TTC13: variants seen among roughly 807,000 people sequenced by gnomAD.
TTC13 encodes the protein tetratricopeptide repeat protein 13.
Under a neutral mutation model 120.0 loss-of-function variants are expected in TTC13, and 62 were observed. That is an observed-to-expected ratio of 0.52 (90% confidence interval 0.42 to 0.64). The LOEUF (loss-of-function observed/expected upper bound fraction) is 0.64. Ranked by LOEUF, TTC13 falls within the 30% of genes least tolerant of loss-of-function variation. The pLI is 0.00. For missense variants in TTC13, 824 were observed against 1,050.2 expected (o/e 0.78, Z 2.98); for synonymous variants, 384 against 393.5 (o/e 0.98, Z 0.28).
chr1:230,955,448 G>C (rs1250295137), intron 3 of TTC13, among the ~76,000 whole-genome samples: 1 of 144,452 alleles, frequency 6.9e-6, no homozygotes, highest in Non-Finnish European at 1.5e-5. Flanking sequence ...CAGATCACAA[G>C]GTCAGGAGAT....
chr1:230,908,622 T>C, intron 22 of TTC13, 90 bp downstream of exon 22: 1 of 955,844 alleles, frequency 1.0e-6, no homozygotes. Flanking sequence ...GTATAACAGT[T>C]CCAGTTTTCA....
At position 230,916,368 on chromosome 1, in the gene TTC13, T is replaced by C. The variant is rs74336803; in HGVS notation, c.1984-66A>G. ...TCACTGTAAACCCCAACTGCAACTC[T>C]GTAGTGCTGGCTCTACCTTACATGT... On this transcript the variant is annotated intron_variant, in intron 17 of 22. Coordinates refer to ENST00000366661, the MANE Select transcript of TTC13 (RefSeq NM_024525.5). The C allele has an allele frequency of 1.2e-3, 1,359 of 1,146,152 alleles. 38 individuals are homozygous for C. The East Asian group carries it at 0.032, about 27-fold the overall frequency. 71.0% of individuals were successfully genotyped at this position (1,146,152 alleles called of 1,614,324 possible). A position where few individuals can be genotyped will look rare whatever the true frequency, so the allele number is the denominator to read the frequency against.
At chr1:230,976,703 G>A (rs1409484379) in intron 1 of TTC13, among the ~76,000 whole-genome samples, 1 of 150,966 alleles carries the variant, frequency 6.6e-6, no homozygotes, top group African/African-American at 2.4e-5. Flanking sequence ...AGAAAAAGAA[G>A]GTAGAAACAT....
intron 13 of TTC13, 126 bp downstream of exon 13, chr1:230,925,391 A>G (rs1672963969): frequency 9.7e-6 from 11 of 1,133,216 alleles, no homozygotes; most frequent in Non-Finnish European, 1.1e-5. Context: ...ACACATTTCT[A>G]TTCTGATCAC....
At chr1:230,916,690 T>C (rs1043296063) in intron 17 of TTC13, among the ~76,000 whole-genome samples, 1 of 152,184 alleles carries the variant, frequency 6.6e-6, no homozygotes, top group African/African-American at 2.4e-5. Context: ...AAATGCAACT[T>C]ATGCTCATAC....
chr1:230,975,907 T>C (rs1678258382), intron 1 of TTC13, among the ~76,000 whole-genome samples: 1 of 152,108 alleles, frequency 6.6e-6, no homozygotes, highest in African/African-American at 2.4e-5. Flanking sequence ...ATTGCTAGTG[T>C]GTTGTCTTTG....
chr1:230,956,777 A>G (rs1024044756), intron 3 of TTC13, among the ~76,000 whole-genome samples: 7 of 152,202 alleles, frequency 4.6e-5, no homozygotes, highest in Non-Finnish European at 8.8e-5. Flanking sequence ...ATCATAACCC[A>G]AATCTTGTGC....
rs1409092626 is a variant in TTC13, at chr1:230,978,486, T to C, written c.271+74A>G. The C allele has an allele frequency of 1.4e-5, 6 of 420,056 alleles. No homozygotes were observed. Among genetic ancestry groups the C allele is most frequent in the African/African-American group, 2.1e-5 (1 of 47,692 alleles). The allele number at this position is 420,056 out of a possible 1,614,324, so 26.0% of individuals were successfully genotyped here. Reference sequence around the variant, plus strand: ...GGAGGCGTGAGGCCCGGGCGACCCGTACCCCGGCCCGGGACCCCAGCCCCG... The same window carrying C: ...GGAGGCGTGAGGCCCGGGCGACCCGCACCCCGGCCCGGGACCCCAGCCCCG... On this transcript the variant is annotated intron_variant, in intron 1 of 22. Coordinates refer to ENST00000366661, the MANE Select transcript of TTC13 (RefSeq NM_024525.5). The surrounding 1 kb of genome is among the most constrained non-coding windows in gnomAD (Gnocchi z 5.6).
At chr1:230,976,268 A>G (rs946032047) in intron 1 of TTC13, among the ~76,000 whole-genome samples, 2 of 152,150 alleles carry the variant, frequency 1.3e-5, no homozygotes, top group African/African-American at 4.8e-5. Flanking sequence ...ATGTTGCTCA[A>G]ATGGGTCTCC....
chr1:230,973,284 C>T (rs1215700963), intron 1 of TTC13, among the ~76,000 whole-genome samples: 1 of 152,200 alleles, frequency 6.6e-6, no homozygotes, highest in African/African-American at 2.4e-5. Context: ...AAAAGACTGA[C>T]TTCATGTATT....
intron 12 of TTC13, among the ~76,000 whole-genome samples, chr1:230,928,003 G>T (rs1172461168): frequency 6.6e-6 from 1 of 152,000 alleles, no homozygotes; most frequent in Non-Finnish European, 1.5e-5. Context: ...TAGTCCACTT[G>T]TCTATCCCTG....
intron 1 of TTC13, among the ~76,000 whole-genome samples, chr1:230,974,505 C>G (rs1437189459): frequency 6.6e-6 from 1 of 152,112 alleles, no homozygotes; most frequent in African/African-American, 2.4e-5. Flanking sequence ...GTATTGAGTA[C>G]AGTAACATGC....
chr1:230,963,728 C>A (rs1015245433), intron 1 of TTC13, among the ~76,000 whole-genome samples: 7 of 151,794 alleles, frequency 4.6e-5, no homozygotes, highest in Non-Finnish European at 1.0e-4. Context: ...AGGGGTATTC[C>A]GGATAGGACG....
intron 12 of TTC13, 61 bp from the exon 13 acceptor site, chr1:230,925,708 C>T: frequency 6.3e-7 from 1 of 1,588,100 alleles, no homozygotes; most frequent in East Asian, 2.3e-5. Flanking sequence ...TAATCCAATT[C>T]CACCTGAGAA....
chr1:230,911,593 A>C (rs752809280), intron 19 of TTC13, 44 bp from the exon 20 acceptor site: 1 of 1,327,056 alleles, frequency 7.5e-7, no homozygotes, highest in Non-Finnish European at 1.0e-6. Context: ...TAAAGATTAC[A>C]AACTAATTTT....
At position 230,917,632 on chromosome 1, in the gene TTC13, C is replaced by T. The variant is rs370168378; in HGVS notation, c.1984-1330G>A. Among the ~76,000 whole-genome samples, 132 of 152,168 alleles carry T rather than the reference C, an allele frequency of 8.7e-4. 1 individual carries two copies. The highest frequency in any genetic ancestry group is 3.0e-3 in the African/African-American group (124 of 41,518). ...ATGCTGAAATGGAATGTCATCCCACCGCAGAGAACAAACATCTTACATCTT... is the reference window on the plus strand; with the variant it reads ...ATGCTGAAATGGAATGTCATCCCACTGCAGAGAACAAACATCTTACATCTT... On this transcript the variant is annotated intron_variant, in intron 17 of 22. Transcript: ENST00000366661.
chr1:230,941,934 G>A (rs1558196327), intron 6 of TTC13, among the ~76,000 whole-genome samples: 1 of 152,036 alleles, frequency 6.6e-6, no homozygotes, highest in East Asian at 1.9e-4. Flanking sequence ...GAATATTTCA[G>A]AAAGCATGAA....
intron 8 of TTC13, among the ~76,000 whole-genome samples, chr1:230,936,803 G>A (rs554430194): frequency 2.6e-5 from 4 of 151,700 alleles, no homozygotes; most frequent in Admixed American, 1.3e-4. Context: ...TTGTCTCTGC[G>A]GTTAACAAGA....
chr1:230,960,184 C>T (rs1676486596), intron 2 of TTC13, among the ~76,000 whole-genome samples: 1 of 152,192 alleles, frequency 6.6e-6, no homozygotes, highest in African/African-American at 2.4e-5. Context: ...AATGAATAGT[C>T]TAAGTCCCAT....
Sources: allele counts gnomAD v4.1 joint callset (sites outside exome capture counted in the v4.1 genomes callset), GRCh38; gene constraint gnomAD v4.1.1; non-coding constraint Gnocchi (gnomAD v3.1); transcripts MANE v1.5; gene names NCBI Gene and HGNC (gene_info 2026-07-23, HGNC 2026-07-21).